Variants in TNKS observed in about 807,000 individuals in gnomAD.
TNKS encodes tankyrase, also known as poly [ADP-ribose] polymerase tankyrase-1.
TNKS carries 72 observed loss-of-function variants against 135.8 expected under a neutral mutation model. That is an observed-to-expected ratio of 0.53 (90% confidence interval 0.44 to 0.64). TNKS has a LOEUF of 0.64. TNKS is among the 30% of genes least tolerant of loss of function. The pLI is 0.00. For synonymous variants in TNKS, 849 were observed against 649.3 expected, an observed-to-expected ratio of 1.31 and a Z score of -4.68; for missense variants, 1,769 against 1,674.0, an observed-to-expected ratio of 1.06 and a Z score of -0.99.
chr8:9,701,910 A>C (rs1166639741), intron 5 of TNKS, among the ~76,000 whole-genome samples: 1 of 152,168 alleles, frequency 6.6e-6, no homozygotes, highest in Non-Finnish European at 1.5e-5. Flanking sequence ...AGACTGCTTG[A>C]GGCTAGTAAA....
At chr8:9,718,983 G>C (rs1427920385) in intron 11 of TNKS, among the ~76,000 whole-genome samples, 1 of 152,200 alleles carries the variant, frequency 6.6e-6, no homozygotes, top group Non-Finnish European at 1.5e-5. Flanking sequence ...AAATGTTAAT[G>C]ATTAGAATGT....
At chr8:9,563,420 C>T (rs1410023709) in intron 1 of TNKS, among the ~76,000 whole-genome samples, 5 of 152,072 alleles carry the variant, frequency 3.3e-5, no homozygotes, top group Admixed American at 6.5e-5. Context: ...CCTCTCATAG[C>T]TACTCAGTTT....
At chr8:9,561,747 A>T (rs770720808) in intron 1 of TNKS, among the ~76,000 whole-genome samples, 32 of 152,236 alleles carry the variant, frequency 2.1e-4, no homozygotes, top group Non-Finnish European at 3.2e-4. Context: ...TAGGGTAGGT[A>T]AATGTCCGGT....
chr8:9,684,729 C>T (rs1294106767), intron 5 of TNKS, among the ~76,000 whole-genome samples: 1 of 152,138 alleles, frequency 6.6e-6, no homozygotes. Context: ...CTGCTCCTTT[C>T]ATTCATTCAT....
intron 23 of TNKS, among the ~76,000 whole-genome samples, 174 bp from the exon 24 acceptor site, chr8:9,765,518 T>C (rs919280447): frequency 1.3e-5 from 2 of 152,174 alleles, no homozygotes; most frequent in Non-Finnish European, 2.9e-5. Flanking sequence ...GAAAATTATG[T>C]CACTAACAGC....
chr8:9,717,188 C>T (rs1486973403), intron 11 of TNKS, among the ~76,000 whole-genome samples: 1 of 147,612 alleles, frequency 6.8e-6, no homozygotes. Flanking sequence ...AATAGAAATC[C>T]AGTTCCGTAC....
At chr8:9,694,429 G>T (rs974804101) in intron 5 of TNKS, among the ~76,000 whole-genome samples, 1 of 152,050 alleles carries the variant, frequency 6.6e-6, no homozygotes, top group Non-Finnish European at 1.5e-5. Flanking sequence ...GTAAAAGATC[G>T]TGGCAAGTGT....
intron 26 of TNKS, 30 bp downstream of exon 26, chr8:9,770,292 A>G (rs1287364814): frequency 1.3e-6 from 2 of 1,590,232 alleles, no homozygotes; most frequent in Non-Finnish European, 1.7e-6. Flanking sequence ...AGCATAACCA[A>G]GTTCACAAAC....
rs191259743 is a variant in TNKS at position 9,765,433 on chromosome 8, C to T, written c.3448-259C>T. 1.4e-3 allele frequency among the ~76,000 whole-genome samples: 207 copies of T among 151,746 alleles called. 1 individual carries two copies. The highest frequency in any genetic ancestry group is 2.1e-3 in the Non-Finnish European group (145 of 67,916). On this transcript the variant is annotated intron_variant, in intron 23 of 26. Transcript: ENST00000310430. ...AGATGCCTAAACATAACCTTTTTAC[C>T]TATTTTTTTTTTTAATCCTGAGGTG...
chr8:9,624,287 T>A (rs1039444648), intron 3 of TNKS, among the ~76,000 whole-genome samples: 3 of 152,258 alleles, frequency 2.0e-5, no homozygotes, highest in African/African-American at 7.2e-5. Context: ...AAATTGGTAT[T>A]TTAAATGGTT....
chr8:9,655,268 C>T (rs1801310744), intron 3 of TNKS, among the ~76,000 whole-genome samples: 1 of 152,230 alleles, frequency 6.6e-6, no homozygotes, highest in South Asian at 2.1e-4. Context: ...GTGGAGCCCA[C>T]CGCAGCTCAA....
intron 5 of TNKS, among the ~76,000 whole-genome samples, chr8:9,689,453 C>G (rs7817655): frequency 2.0e-5 from 3 of 151,960 alleles, no homozygotes; most frequent in Non-Finnish European, 4.4e-5. Context: ...AATTTGGAAA[C>G]AGACCAATTC....
intron 1 of TNKS, among the ~76,000 whole-genome samples, chr8:9,562,058 C>G (rs990536620): frequency 6.6e-6 from 1 of 152,078 alleles, no homozygotes; most frequent in Non-Finnish European, 1.5e-5. Flanking sequence ...CTCAGGTGTT[C>G]CATCCACCTC....
chr8:9,619,536 T>C (rs370262000), intron 3 of TNKS, among the ~76,000 whole-genome samples: 12 of 152,296 alleles, frequency 7.9e-5, no homozygotes, highest in African/African-American at 2.9e-4. Context: ...TCCTAGTGTT[T>C]TCCTAGTGTA....
intron 12 of TNKS, 46 bp from the exon 13 acceptor site, chr8:9,726,595 T>C (rs768193545): frequency 1.4e-6 from 2 of 1,397,566 alleles, no homozygotes; most frequent in South Asian, 2.8e-5. Flanking sequence ...AGTTGGAATA[T>C]ATGAGTTTGG....
At chr8:9,766,591 T>G (rs921264395) in intron 25 of TNKS, among the ~76,000 whole-genome samples, 166 bp downstream of exon 25, 1 of 149,062 alleles carries the variant, frequency 6.7e-6, no homozygotes, top group Non-Finnish European at 1.5e-5. Context: ...GTTCAAGCAA[T>G]TCTCCTGCCT....
At chr8:9,628,917 C>G (rs1036322718) in intron 3 of TNKS, among the ~76,000 whole-genome samples, 2 of 152,186 alleles carry the variant, frequency 1.3e-5, no homozygotes, top group African/African-American at 4.8e-5. Flanking sequence ...TTACCACAAG[C>G]TACCCGGTTG....
intron 5 of TNKS, among the ~76,000 whole-genome samples, chr8:9,697,068 A>G (rs546579803): frequency 2.0e-5 from 3 of 152,300 alleles, no homozygotes; most frequent in Non-Finnish European, 4.4e-5. Context: ...GGCTACAATA[A>G]AGAAAACAGC....
chr8:9,625,829 A>G (rs1437114319), intron 3 of TNKS, among the ~76,000 whole-genome samples: 1 of 152,142 alleles, frequency 6.6e-6, no homozygotes, highest in Non-Finnish European at 1.5e-5. Flanking sequence ...CAGGACATGG[A>G]CTATTTTTGT....
Sources: allele counts gnomAD v4.1 joint callset (sites outside exome capture counted in the v4.1 genomes callset), GRCh38; gene constraint gnomAD v4.1.1; transcripts MANE v1.5; gene names NCBI Gene and HGNC (gene_info 2026-07-23, HGNC 2026-07-21).